The following SLF1 variants were observed in gnomAD, a reference collection of about 807,000 sequenced individuals.
The protein encoded by SLF1 is SMC5/6 complex localization factor 1.
In SLF1, 105 loss-of-function variants were observed where a neutral mutation model predicts 123.0. The observed-to-expected ratio is 0.85, with a 90% CI of 0.73 to 1.00. SLF1 has a LOEUF of 1.00. SLF1 is among the 50% of genes least tolerant of loss of function. The pLI is 0.00. For missense variants in SLF1, 1,239 were observed against 1,223.0 expected (o/e 1.01, Z -0.20); for synonymous variants, 434 against 406.6 (o/e 1.07, Z -0.81).
At chr5:94,677,925 T>C (rs1585211693) in intron 14 of SLF1, among the ~76,000 whole-genome samples, 1 of 34,036 alleles carries the variant, frequency 2.9e-5, no homozygotes, top group African/African-American at 2.0e-4. Context: ...AATGATATAC[T>C]TTTTTTTTTT....
intron 20 of SLF1, among the ~76,000 whole-genome samples, chr5:94,694,622 G>C (rs1753387316): frequency 6.6e-6 from 1 of 151,798 alleles, no homozygotes; most frequent in Non-Finnish European, 1.5e-5. Context: ...ATGCACGTTT[G>C]GGGAAACCTT....
intron 5 of SLF1, 59 bp from the exon 6 acceptor site, chr5:94,649,395 G>A (rs754770023): frequency 2.3e-4 from 304 of 1,322,248 alleles, no homozygotes; most frequent in Non-Finnish European, 2.9e-4. Context: ...ACCATAAAAC[G>A]TACATAATAT....
At position 94,689,600 on chromosome 5, in the gene SLF1, C is replaced by T; in HGVS notation, c.2413C>T (p.Leu805=). The T allele has an allele frequency of 1.2e-6, 2 of 1,606,636 alleles. No individual in the cohort carries two copies. Among genetic ancestry groups the T allele is most frequent in the Non-Finnish European group, 1.7e-6 (2 of 1,175,156 alleles). The part of the protein sequence containing the change: ...VKKMNFHKTN[L]KGETALHRAC... ...AAAGATGAATTTTCACAAGACTAAT[C>T]TAAAAGGTATTCCAAGTATTTAAAT... The change falls in exon 18 of 21, where the codon CTA becomes TTA. Residue 805 remains leucine, a synonymous_variant. Coordinates refer to ENST00000265140, the MANE Select transcript of SLF1 (RefSeq NM_032290.4).
chr5:94,687,969 T>A (rs1262612041), intron 16 of SLF1, among the ~76,000 whole-genome samples: 2 of 149,348 alleles, frequency 1.3e-5, no homozygotes, highest in Non-Finnish European at 3.0e-5. Context: ...TAATAATAAT[T>A]ATTTATTATT....
intron 4 of SLF1, among the ~76,000 whole-genome samples, chr5:94,634,117 A>T (rs1409931794): frequency 6.6e-6 from 1 of 152,214 alleles, no homozygotes; most frequent in East Asian, 1.9e-4. Flanking sequence ...CTGATAGAAT[A>T]ATTTAATTTT....
Position 94,689,562 on chromosome 5 carries a change from C to G in SLF1, c.2375C>G (p.Pro792Arg), listed in dbSNP as rs1222992401. The change falls in exon 18 of 21, where the codon CCC (proline) becomes CGC (arginine). Residue 792 changes from proline (P) to arginine (R), a missense_variant. Physicochemically the swap from Pro to Arg is moderately radical, Grantham distance 103. Coordinates refer to ENST00000265140, the MANE Select transcript of SLF1 (RefSeq NM_032290.4). ...GELSCSKENC[P>R]SVVKKMNFHK... is the part of the protein sequence containing the mutation. ...TTGTCATGTTCCAAGGAGAATTGCC[C>G]CTCTGTAGTTAAAAAGATGAATTTT... 1 of 1,609,966 alleles carries G rather than the reference C, an allele frequency of 6.2e-7. No homozygotes were observed.
At chr5:94,664,060 T>C (rs983931809) in intron 11 of SLF1, among the ~76,000 whole-genome samples, 152 bp downstream of exon 11, 1 of 152,200 alleles carries the variant, frequency 6.6e-6, no homozygotes, top group Non-Finnish European at 1.5e-5. Flanking sequence ...ATTACTACTG[T>C]TCTGTTTTCC....
chr5:94,620,054 A>AT (rs1450666060), intron 1 of SLF1: 4 of 152,154 alleles, frequency 2.6e-5, no homozygotes, highest in Admixed American at 6.5e-5. Flanking sequence ...AATGTTTTGT[A>AT]TTTTTAATAG....
chr5:94,662,119 G>T (rs1749193823), intron 9 of SLF1, among the ~76,000 whole-genome samples, 179 bp from the exon 10 acceptor site: 1 of 152,098 alleles, frequency 6.6e-6, no homozygotes, highest in Non-Finnish European at 1.5e-5. Flanking sequence ...GCTCATAGTC[G>T]TGAGAGTTCC....
At chr5:94,671,078 C>T in intron 14 of SLF1, 70 bp downstream of exon 14, 2 of 1,084,606 alleles carry the variant, frequency 1.8e-6, no homozygotes, top group Non-Finnish European at 2.6e-6. Flanking sequence ...CTTTTCCTCT[C>T]CTCTTTATTC....
chr5:94,628,711 A>C (rs1046230604), intron 1 of SLF1, 100 bp from the exon 2 acceptor site: 11 of 629,972 alleles, frequency 1.7e-5, no homozygotes, highest in Non-Finnish European at 2.8e-5. Flanking sequence ...TTGTATGTTT[A>C]ATAGTTTATT....
chr5:94,654,287 C>T (rs1380618461), intron 8 of SLF1, among the ~76,000 whole-genome samples: 1 of 150,538 alleles, frequency 6.6e-6, no homozygotes, highest in African/African-American at 2.4e-5. Context: ...TTTGTATGAC[C>T]ATGGCAACAA....
intron 11 of SLF1, among the ~76,000 whole-genome samples, chr5:94,665,596 A>G (rs1261257474): frequency 6.6e-6 from 1 of 152,144 alleles, no homozygotes; most frequent in East Asian, 1.9e-4. Context: ...TAAAAATACA[A>G]AAATTAGCCA....
Position 94,663,851 on chromosome 5 carries a change from G to A in SLF1, c.1311G>A (p.Gln437=), listed in dbSNP as rs1376847397. The change falls in exon 11 of 21, where the codon CAG becomes CAA. Residue 437 remains glutamine, a synonymous_variant. Coordinates refer to ENST00000265140, the MANE Select transcript of SLF1 (RefSeq NM_032290.4). ...KEAIEELSTL[Q]AHYIPPVCVL... is the part of the protein sequence containing the mutation. Reference sequence around the variant, plus strand: ...CAATTGAGGAACTTTCCACTTTGCAGGCACATTATATCCCTCCTGTATGCG... The same window carrying A: ...CAATTGAGGAACTTTCCACTTTGCAAGCACATTATATCCCTCCTGTATGCG... The A allele has an allele frequency of 1.3e-6, 2 of 1,550,834 alleles. No individual in the cohort carries two copies. Among genetic ancestry groups the A allele is most frequent in the Non-Finnish European group, 1.7e-6 (2 of 1,146,780 alleles).
chr5:94,630,391 A>G (rs1196248768), intron 3 of SLF1, 112 bp from the exon 4 acceptor site: 3 of 1,247,302 alleles, frequency 2.4e-6, no homozygotes, highest in Non-Finnish European at 3.3e-6. Flanking sequence ...TGTTAGCAGC[A>G]TAGCTTAAGA....
intron 12 of SLF1, among the ~76,000 whole-genome samples, chr5:94,669,297 G>A (rs535584143): frequency 6.6e-6 from 1 of 152,226 alleles, no homozygotes; most frequent in South Asian, 2.1e-4. Flanking sequence ...AATTGTTAAA[G>A]CTACTAAGGA....
At chr5:94,645,124 T>C (rs1039234192) in intron 5 of SLF1, among the ~76,000 whole-genome samples, 3 of 152,210 alleles carry the variant, frequency 2.0e-5, no homozygotes, top group Admixed American at 2.0e-4. Context: ...GAACCAATTC[T>C]GATCAATGGG....
At chr5:94,649,056 G>A (rs977758426) in intron 5 of SLF1, among the ~76,000 whole-genome samples, 9 of 152,126 alleles carry the variant, frequency 5.9e-5, no homozygotes, top group African/African-American at 1.9e-4. Context: ...ACTTGCAAGT[G>A]AGAAGTCTTA....
intron 14 of SLF1, among the ~76,000 whole-genome samples, chr5:94,671,248 T>C (rs1750410368): frequency 6.6e-6 from 1 of 151,906 alleles, no homozygotes; most frequent in Non-Finnish European, 1.5e-5. Context: ...CTAAGAAATC[T>C]CTAGTTACTT....
Sources: gnomAD v4.1 joint callset for allele counts (sites outside exome capture counted in the v4.1 genomes callset) on GRCh38, gnomAD v4.1.1 for gene constraint, MANE v1.5 for transcripts, NCBI Gene and HGNC (gene_info 2026-07-23, HGNC 2026-07-21) for gene names.